The following SSH2 variants were observed in gnomAD, a reference collection of about 807,000 sequenced individuals.
The protein encoded by SSH2 is protein phosphatase Slingshot homolog 2.
A neutral mutation model predicts 135.2 loss-of-function variants in SSH2; 37 were observed. The observed-to-expected ratio is 0.27, with a 90% CI of 0.21 to 0.36. The LOEUF (loss-of-function observed/expected upper bound fraction) is 0.36. Ranked by LOEUF, SSH2 falls within the 10% of genes least tolerant of loss-of-function variation. SSH2 has a pLI of 1.00. For missense variants in SSH2, 1,408 were observed against 1,765.3 expected (o/e 0.80, Z 3.63); for synonymous variants, 628 against 646.2 (o/e 0.97, Z 0.43).
intron 14 of SSH2, among the ~76,000 whole-genome samples, chr17:29,642,304 C>T (rs564553474): frequency 6.6e-6 from 1 of 152,178 alleles, no homozygotes; most frequent in African/African-American, 2.4e-5. Context: ...GACAGGGGCA[C>T]TCAAAGAATC....
intron 2 of SSH2, among the ~76,000 whole-genome samples, chr17:29,818,467 C>G (rs1274454366): frequency 6.6e-6 from 1 of 152,038 alleles, no homozygotes; most frequent in East Asian, 1.9e-4. Context: ...CCAGGATGGT[C>G]TTGATCTCCT....
intron 1 of SSH2, among the ~76,000 whole-genome samples, chr17:29,879,571 A>G (rs927112764): frequency 6.6e-6 from 1 of 152,090 alleles, no homozygotes; most frequent in African/African-American, 2.4e-5. Context: ...ATTCATTCCA[A>G]TATGAACTGA....
chr17:29,687,700 C>A (rs932372453), intron 5 of SSH2, among the ~76,000 whole-genome samples: 2 of 152,190 alleles, frequency 1.3e-5, no homozygotes, highest in Non-Finnish European at 2.9e-5. Context: ...CATATTATTA[C>A]ATATTTATAT....
At chr17:29,684,060 T>C (rs150385343) in intron 6 of SSH2, among the ~76,000 whole-genome samples, 8 of 152,336 alleles carry the variant, frequency 5.3e-5, no homozygotes, top group African/African-American at 1.9e-4. Flanking sequence ...AATGGTAAAT[T>C]GGAAACACAC....
Position 29,631,691 on chromosome 17 carries a change from TCCAGGTGAA to T in SSH2, c.3494_3502del (p.Val1165_Leu1167del). On this transcript the variant is annotated inframe_deletion, in exon 16 of 16. Transcript: ENST00000540801. ...AGTGCTGCTCTGCTCTGTGAAGCCC[TCCAGGTGAA>T]CCATAGTCTGGGGATGCAGGTAATC... 6.2e-7 allele frequency: 1 copy of T among 1,614,186 alleles called. No homozygotes were observed. Among genetic ancestry groups the T allele is most frequent in the East Asian group, 2.2e-5 (1 of 44,876 alleles).
intron 1 of SSH2, among the ~76,000 whole-genome samples, chr17:29,898,847 T>G (rs540081207): frequency 6.6e-6 from 1 of 152,270 alleles, no homozygotes; most frequent in Admixed American, 6.5e-5. Context: ...TTTTAACCAA[T>G]ATCCCTGATG....
chr17:29,864,653 A>AAAG (rs1353404347), intron 1 of SSH2, among the ~76,000 whole-genome samples: 1 of 151,194 alleles, frequency 6.6e-6, no homozygotes, highest in Non-Finnish European at 1.5e-5. Flanking sequence ...CTAAAAAAAA[A>AAAG]AAAAAAGAAA....
intron 9 of SSH2, among the ~76,000 whole-genome samples, chr17:29,670,792 A>C (rs889203833): frequency 5.3e-5 from 8 of 152,028 alleles, no homozygotes; most frequent in Admixed American, 4.6e-4. Flanking sequence ...AAATAAAATA[A>C]ATTACTCTGT....
intron 1 of SSH2, among the ~76,000 whole-genome samples, chr17:29,862,449 T>C (rs1246224552): frequency 2.6e-5 from 4 of 152,198 alleles, no homozygotes; most frequent in Non-Finnish European, 5.9e-5. Context: ...GAAGATAAGT[T>C]ATAATCTTTG....
intron 3 of SSH2, among the ~76,000 whole-genome samples, chr17:29,757,741 A>C (rs2041172251): frequency 7.8e-6 from 1 of 128,806 alleles, no homozygotes; most frequent in Non-Finnish European, 1.6e-5. Context: ...AAAAAAAAAA[A>C]AAGAGAGAGA....
In SSH2 at chr17:29,684,781, G is replaced by A. The variant is rs2038142221; in HGVS notation, c.358-97C>T. The stretch of plus-strand genomic sequence containing the variant: ...CATCAGCATCTTAAAGCATACTCAC[G>A]AAGGCAGCAGAGCCAGTAGTTAGGA... On this transcript the variant is annotated intron_variant, in intron 5 of 15. Transcript: ENST00000540801. 11 of 1,126,876 alleles carry A rather than the reference G, an allele frequency of 9.8e-6. No homozygotes were observed. The East Asian group carries it at 1.3e-4, about 14-fold the overall frequency. 69.8% of individuals were successfully genotyped at this position (1,126,876 alleles called of 1,614,324 possible).
intron 2 of SSH2, among the ~76,000 whole-genome samples, chr17:29,828,849 C>T (rs1444828176): frequency 6.6e-6 from 1 of 152,192 alleles, no homozygotes; most frequent in Non-Finnish European, 1.5e-5. Context: ...TAACTACATT[C>T]TGTCATTTCC....
At chr17:29,758,203 A>C (rs1221020545) in intron 3 of SSH2, among the ~76,000 whole-genome samples, 1 of 152,254 alleles carries the variant, frequency 6.6e-6, no homozygotes, top group Non-Finnish European at 1.5e-5. Context: ...AGATTTCAGC[A>C]GTCAAAGATA....
chr17:29,730,583 G>T (rs1050366452), intron 3 of SSH2, among the ~76,000 whole-genome samples: 1 of 151,640 alleles, frequency 6.6e-6, no homozygotes. Context: ...CTACAGATGT[G>T]TGCCACCACA....
chr17:29,721,558 T>C (rs1226340954), intron 3 of SSH2, among the ~76,000 whole-genome samples: 2 of 152,218 alleles, frequency 1.3e-5, no homozygotes, highest in African/African-American at 2.4e-5. Context: ...AAAAGCTGTA[T>C]GTAAATCCTG....
chr17:29,841,892 ATTTT>A (rs770836134), intron 2 of SSH2, among the ~76,000 whole-genome samples: 1 of 99,638 alleles, frequency 1.0e-5, no homozygotes, highest in African/African-American at 3.9e-5. Context: ...CCCTTGGCTA[ATTTT>A]TTTTTTTTTT....
At chr17:29,637,977 G>A (rs1206312774) in intron 14 of SSH2, among the ~76,000 whole-genome samples, 1 of 151,784 alleles carries the variant, frequency 6.6e-6, no homozygotes, top group African/African-American at 2.4e-5. Flanking sequence ...AGCTGGGAGT[G>A]GTAGCGGGCA....
At chr17:29,791,223 T>G (rs1220657356) in intron 3 of SSH2, among the ~76,000 whole-genome samples, 2 of 152,058 alleles carry the variant, frequency 1.3e-5, no homozygotes, top group African/African-American at 4.8e-5. Flanking sequence ...GTAGCTGGAC[T>G]ACAGGCATGC....
intron 5 of SSH2, among the ~76,000 whole-genome samples, chr17:29,689,221 G>A (rs569162025): frequency 9.9e-5 from 15 of 152,144 alleles, no homozygotes; most frequent in Non-Finnish European, 1.6e-4. Flanking sequence ...AAATCTATGT[G>A]CCGCAGCCAT....
Sources: gnomAD v4.1 joint callset for allele counts (sites outside exome capture counted in the v4.1 genomes callset) on GRCh38, gnomAD v4.1.1 for gene constraint, MANE v1.5 for transcripts, NCBI Gene and HGNC (gene_info 2026-07-23, HGNC 2026-07-21) for gene names.